DST: variants seen among roughly 807,000 people sequenced by gnomAD.
DST encodes dystonin.
A neutral mutation model predicts 875.2 loss-of-function variants in DST; 253 were observed. The observed-to-expected ratio is 0.29, with a 90% confidence interval of 0.26 to 0.32. DST has a LOEUF of 0.32. Ranked by LOEUF, DST falls within the 10% of genes least tolerant of loss-of-function variation. The pLI is 1.00. For missense variants in DST, 8,287 were observed against 9,111.6 expected (o/e 0.91, Z 3.68); for synonymous variants, 3,124 against 3,197.1 (o/e 0.98, Z 0.77).
intron 4 of DST, among the ~76,000 whole-genome samples, chr6:56,741,515 T>C (rs569048292): frequency 1.1e-4 from 16 of 152,356 alleles, no homozygotes; most frequent in African/African-American, 3.4e-4. Flanking sequence ...AAAGAGTTAA[T>C]GTGAATTCTA....
At chr6:56,635,364 C>A (rs1291196917) in intron 24 of DST, among the ~76,000 whole-genome samples, 1 of 152,044 alleles carries the variant, frequency 6.6e-6, no homozygotes, top group Non-Finnish European at 1.5e-5. Context: ...TGCACACACA[C>A]ACACACGACA....
chr6:56,470,274 T>A lies in DST; in HGVS notation c.22330A>T (p.Thr7444Ser), dbSNP rs776276863. ...IDGILSSKFP[T>S]SRLEMSAVAD... ...ACTGCGCTCATCTCCAAGCGACTGG[T>A]TGGAAACTCTAAAATTTTGAAAACA... The change falls in exon 96 of 104, where the codon ACC (threonine) becomes TCC (serine). Residue 7444 changes from threonine to serine, a missense_variant. Thr to Ser is a moderately conservative substitution (Grantham distance 58, BLOSUM62 1). Around this residue, in one of 10 missense-constraint regions of DST, gnomAD observed 87 missense variants for 209.7 expected, o/e 0.41. Transcript: ENST00000680361. The A allele has an allele frequency of 1.3e-6, 2 of 1,598,626 alleles. No individual in the cohort carries two copies. The highest frequency in any genetic ancestry group is 1.7e-6 in the Non-Finnish European group (2 of 1,171,224).
intron 21 of DST, 30 bp downstream of exon 21, chr6:56,639,420 C>T (rs1037276704): frequency 1.2e-6 from 2 of 1,613,142 alleles, no homozygotes; most frequent in Non-Finnish European, 1.7e-6. Flanking sequence ...AAATGCAACC[C>T]TAGTATGCAA....
intron 9 of DST, among the ~76,000 whole-genome samples, chr6:56,678,567 T>C (rs893024433): frequency 6.6e-6 from 1 of 152,176 alleles, no homozygotes; most frequent in Non-Finnish European, 1.5e-5. Flanking sequence ...ATTTCATATA[T>C]ACTTGGGGGA....
chr6:56,618,799 A>C, intron 36 of DST: 1 of 1,614,114 alleles, frequency 6.2e-7, no homozygotes, highest in Non-Finnish European at 8.5e-7. Context: ...GTTTGAATTT[A>C]CCAGATTCTT....
At chr6:56,550,561 T>C (rs1309114666) in intron 61 of DST, among the ~76,000 whole-genome samples, 2 of 152,202 alleles carry the variant, frequency 1.3e-5, no homozygotes, top group Non-Finnish European at 2.9e-5. Context: ...ACAGCCACAT[T>C]TTTCACTGTA....
At chr6:56,865,953 T>C (rs1363956484) in intron 3 of DST, among the ~76,000 whole-genome samples, 11 of 151,868 alleles carry the variant, frequency 7.2e-5, no homozygotes, top group Non-Finnish European at 1.5e-4. Context: ...AGGCATTCAA[T>C]AAATTAGAGC....
intron 15 of DST, 38 bp downstream of exon 15, chr6:56,645,828 C>A: frequency 6.2e-7 from 1 of 1,605,054 alleles, no homozygotes; most frequent in Non-Finnish European, 8.5e-7. Flanking sequence ...GGCCCCCTCC[C>A]CACTTGATAT....
intron 2 of DST, among the ~76,000 whole-genome samples, chr6:56,907,498 C>A (rs760472735): frequency 2.0e-5 from 3 of 152,118 alleles, no homozygotes; most frequent in African/African-American, 7.2e-5. Context: ...AGCAAACAGG[C>A]TTTTCAGGGT....
At chr6:56,885,796 T>G (rs1375770299) in intron 3 of DST, among the ~76,000 whole-genome samples, 3 of 152,080 alleles carry the variant, frequency 2.0e-5, no homozygotes, top group African/African-American at 7.2e-5. Context: ...TCCAGAAGAG[T>G]GAGAAAATAA....
chr6:56,532,182 G>T (rs1254087856), intron 64 of DST, among the ~76,000 whole-genome samples, 162 bp downstream of exon 64: 1 of 152,196 alleles, frequency 6.6e-6, no homozygotes, highest in Non-Finnish European at 1.5e-5. Context: ...ATTACCATTA[G>T]AGGAATGAGG....
At position 56,458,629 on chromosome 6, in the gene DST, T is replaced by A. The variant is rs2094174564; in HGVS notation, c.*376A>T. On this transcript the variant is annotated 3_prime_UTR_variant, in exon 104 of 104. Coordinates refer to ENST00000680361, the MANE Select transcript of DST (RefSeq NM_001374736.1). ...GCATGTATCATTCAGCTTCTCAGAG[T>A]TTCCATAAAAACAGGAAAATGTCAT... 6.3e-6 allele frequency: 1 copy of A among 158,102 alleles called. No individual in the cohort carries two copies. Among genetic ancestry groups the A allele is most frequent in the Non-Finnish European group, 1.4e-5 (1 of 72,086 alleles). The allele number at this position is 158,102 out of a possible 1,614,324, so 9.8% of individuals were successfully genotyped here. A position where few individuals can be genotyped will look rare whatever the true frequency, so the allele number is the denominator to read the frequency against.
chr6:56,548,593 A>T (rs1296211202), intron 61 of DST, among the ~76,000 whole-genome samples: 1 of 152,226 alleles, frequency 6.6e-6, no homozygotes, highest in Non-Finnish European at 1.5e-5. Context: ...GAGTCTTCAG[A>T]TAGGAGTAGG....
intron 70 of DST, 84 bp downstream of exon 70, chr6:56,517,417 A>G: frequency 6.3e-7 from 1 of 1,596,472 alleles, no homozygotes; most frequent in Non-Finnish European, 8.5e-7. Context: ...GGGGTCTTAA[A>G]AAGTAAATCA....
rs763176189 is a variant in DST at position 56,597,940 on chromosome 6, T to C, written c.11995A>G (p.Asn3999Asp). 1.8e-5 allele frequency: 29 copies of C among 1,613,544 alleles called. No individual in the cohort carries two copies. Among genetic ancestry groups the C allele is most frequent in the Admixed American group, 3.3e-5 (2 of 59,992 alleles). Residue 3999 changes from asparagine to aspartate, a missense_variant, in exon 47 of 104, where the codon AAT (asparagine) becomes GAT (aspartate). By Grantham distance (23) the Asn-to-Asp change is conservative. This residue lies in a region of DST where 1,513 missense variants were observed against 1,677.8 expected (regional missense o/e 0.90). Coordinates refer to ENST00000680361, the MANE Select transcript of DST (RefSeq NM_001374736.1). ...GCCCTTTCTGAGTCTTTGTCAACAT[T>C]TGACAACCAGTCCAAAAGGTTTTCT... ...KIENLLDWLS[N>D]VDKDSERAGT...
At chr6:56,708,701 T>C (rs1048703535) in intron 5 of DST, among the ~76,000 whole-genome samples, 5 of 152,128 alleles carry the variant, frequency 3.3e-5, no homozygotes, top group African/African-American at 1.2e-4. Flanking sequence ...GAGGATGCTA[T>C]TAAAAATTAA....
At chr6:56,486,776 G>C (rs1185234204) in intron 87 of DST, among the ~76,000 whole-genome samples, 4 of 152,162 alleles carry the variant, frequency 2.6e-5, no homozygotes, top group Non-Finnish European at 5.9e-5. Flanking sequence ...ATTTTTAAAA[G>C]ACTATCCAGT....
At chr6:56,831,484 G>T (rs913067110) in intron 4 of DST, among the ~76,000 whole-genome samples, 2 of 151,970 alleles carry the variant, frequency 1.3e-5, no homozygotes, top group African/African-American at 4.8e-5. Context: ...CCCTTCCCCA[G>T]CTCCCACTGA....
At chr6:56,511,484 G>C in intron 72 of DST, 84 bp from the exon 73 acceptor site, 1 of 1,167,826 alleles carries the variant, frequency 8.6e-7, no homozygotes, top group Non-Finnish European at 1.2e-6. Context: ...CATCCAGCTG[G>C]CAAGAAACTC....
Sources: allele counts gnomAD v4.1 joint callset (sites outside exome capture counted in the v4.1 genomes callset), GRCh38; gene constraint gnomAD v4.1.1; regional missense constraint gnomAD v4.1.1; transcripts MANE v1.5; gene names NCBI Gene and HGNC (gene_info 2026-07-23, HGNC 2026-07-21).